The following NLGN1 variants were observed in gnomAD, a reference collection of about 807,000 sequenced individuals.
NLGN1 encodes neuroligin 1.
In NLGN1, 12 loss-of-function variants were observed where a neutral mutation model predicts 65.5. The ratio of observed to expected loss-of-function variants is 0.18; its 90% CI spans 0.12 to 0.30. NLGN1 has a LOEUF of 0.30. NLGN1 is among the 10% of genes least tolerant of loss of function. The probability of loss-of-function intolerance (pLI) is 1.00; values close to 1 mark genes in which losing one functional copy is unlikely to be tolerated. For synonymous variants in NLGN1, 350 were observed against 359.5 expected (o/e 0.97, Z 0.30); for missense variants, 750 against 1,007.1 (o/e 0.74, Z 3.46).
intron 3 of NLGN1, among the ~76,000 whole-genome samples, chr3:173,606,088 C>CATA (rs1213320518): frequency 6.6e-6 from 1 of 151,938 alleles, no homozygotes; most frequent in Non-Finnish European, 1.5e-5. Flanking sequence ...AATTATTGAG[C>CATA]AATTATTATT....
At chr3:173,445,251 G>C (rs1181158838) in intron 2 of NLGN1, among the ~76,000 whole-genome samples, 1 of 121,436 alleles carries the variant, frequency 8.2e-6, no homozygotes, top group Non-Finnish European at 1.6e-5. Flanking sequence ...CTGGGCGACA[G>C]AGCGAGACTC....
intron 3 of NLGN1, among the ~76,000 whole-genome samples, chr3:173,673,327 T>C (rs1388853915): frequency 6.6e-6 from 1 of 152,216 alleles, no homozygotes; most frequent in African/African-American, 2.4e-5. Context: ...AACGATATGG[T>C]TATGTCATTC....
At chr3:173,484,382 C>G (rs1727809701) in intron 2 of NLGN1, among the ~76,000 whole-genome samples, 1 of 151,844 alleles carries the variant, frequency 6.6e-6, no homozygotes, top group African/African-American at 2.4e-5. Context: ...TATAAATTCT[C>G]TTAAAAATTT....
At chr3:173,715,585 A>G (rs942747134) in intron 3 of NLGN1, among the ~76,000 whole-genome samples, 1 of 152,152 alleles carries the variant, frequency 6.6e-6, no homozygotes, top group Non-Finnish European at 1.5e-5. Flanking sequence ...TATCCCTTTT[A>G]TTACAAACAC....
intron 4 of NLGN1, among the ~76,000 whole-genome samples, chr3:173,840,576 G>A (rs1168607049): frequency 6.6e-6 from 1 of 152,132 alleles, no homozygotes; most frequent in Non-Finnish European, 1.5e-5. Context: ...GTAAGCTGAA[G>A]TCAAGTTGTA....
intron 3 of NLGN1, among the ~76,000 whole-genome samples, chr3:173,655,980 T>C (rs1283056150): frequency 6.6e-6 from 1 of 152,114 alleles, no homozygotes; most frequent in Admixed American, 6.6e-5. Flanking sequence ...GGCCCAAGCA[T>C]AGGGGCTCAA....
intron 2 of NLGN1, among the ~76,000 whole-genome samples, chr3:173,485,840 GT>G (rs1728084261): frequency 6.6e-6 from 1 of 151,956 alleles, no homozygotes; most frequent in Non-Finnish European, 1.5e-5. Flanking sequence ...ACAATATTTA[GT>G]TTTTTCTTTT....
chr3:173,862,667 A>G (rs1413946393), intron 4 of NLGN1, among the ~76,000 whole-genome samples: 1 of 152,096 alleles, frequency 6.6e-6, no homozygotes, highest in Non-Finnish European at 1.5e-5. Context: ...AATAACTGTG[A>G]CTATTTAGAC....
intron 4 of NLGN1, among the ~76,000 whole-genome samples, chr3:173,923,091 A>G (rs1742354784): frequency 6.6e-6 from 1 of 152,124 alleles, no homozygotes; most frequent in South Asian, 2.1e-4. Flanking sequence ...GCCAAAAGGT[A>G]AGATACCTAA....
chr3:173,398,303 A>G (rs1222454815), upstream of NLGN1: 1 of 152,008 alleles, frequency 6.6e-6, no homozygotes. Context: ...CTTCCCCACA[A>G]CGTTTCCTGA....
At chr3:173,687,576 A>G (rs1399349473) in intron 3 of NLGN1, among the ~76,000 whole-genome samples, 1 of 152,248 alleles carries the variant, frequency 6.6e-6, no homozygotes, top group East Asian at 1.9e-4. Context: ...CTGGACTTAT[A>G]AAACAGTTGT....
At chr3:173,415,462 A>G (rs1043197979) in intron 1 of NLGN1, among the ~76,000 whole-genome samples, 9 of 152,230 alleles carry the variant, frequency 5.9e-5, no homozygotes, top group Non-Finnish European at 1.2e-4. Flanking sequence ...GCTTGATGCT[A>G]TGCATAGTAC....
rs574245750 is a variant in NLGN1 at position 173,470,974 on chromosome 3, G to T, written c.-321+35896G>T. Among the ~76,000 whole-genome samples the T allele has an allele frequency of 4.7e-4, 71 of 152,130 alleles. 1 individual carries two copies. Among genetic ancestry groups the T allele is most frequent in the African/African-American group, 1.6e-3 (67 of 41,542 alleles). On this transcript the variant is annotated intron_variant, in intron 2 of 6. Transcript: ENST00000457714. ...AAAAGAAAGGTGGAATCTGCACTAAGGAATCTTTAGCCTGTAACTGCTTGC... is the reference window on the plus strand; with the variant it reads ...AAAAGAAAGGTGGAATCTGCACTAATGAATCTTTAGCCTGTAACTGCTTGC...
intron 4 of NLGN1, among the ~76,000 whole-genome samples, chr3:173,996,108 A>G (rs1560803590): frequency 6.6e-6 from 1 of 152,140 alleles, no homozygotes; most frequent in Non-Finnish European, 1.5e-5. Flanking sequence ...CTTTGTTGCC[A>G]TTTTTCAAAA....
At chr3:173,829,694 T>C (rs1337265173) in intron 4 of NLGN1, among the ~76,000 whole-genome samples, 1 of 152,164 alleles carries the variant, frequency 6.6e-6, no homozygotes, top group African/African-American at 2.4e-5. Context: ...ACTTAATTCA[T>C]TTTATAACTG....
At chr3:173,458,624 C>G (rs536586229) in intron 2 of NLGN1, among the ~76,000 whole-genome samples, 1 of 152,128 alleles carries the variant, frequency 6.6e-6, no homozygotes, top group Non-Finnish European at 1.5e-5. Flanking sequence ...AGTCTAACCT[C>G]TGTTTCCAGT....
intron 3 of NLGN1, among the ~76,000 whole-genome samples, chr3:173,659,009 G>A (rs886425645): frequency 1.3e-5 from 2 of 151,882 alleles, no homozygotes; most frequent in African/African-American, 4.8e-5. Context: ...AATTGTTTTG[G>A]TCTTCTCTTT....
intron 4 of NLGN1, among the ~76,000 whole-genome samples, chr3:173,923,999 A>G (rs1432073631): frequency 6.6e-6 from 1 of 152,164 alleles, no homozygotes; most frequent in Admixed American, 6.6e-5. Context: ...TATAAAAATA[A>G]AACTAAGCAT....
intron 4 of NLGN1, among the ~76,000 whole-genome samples, chr3:173,973,380 C>T (rs1716714375): frequency 6.6e-6 from 1 of 151,990 alleles, no homozygotes; most frequent in African/African-American, 2.4e-5. Flanking sequence ...TTTTTCTGCA[C>T]CATCTTCAGC....
Sources: gnomAD v4.1 joint callset for allele counts (sites outside exome capture counted in the v4.1 genomes callset) on GRCh38, gnomAD v4.1.1 for gene constraint, MANE v1.5 for transcripts, NCBI Gene and HGNC (gene_info 2026-07-23, HGNC 2026-07-21) for gene names.